Variants in FAM135A observed in about 807,000 individuals in gnomAD.
The protein encoded by FAM135A is family with sequence similarity 135 member A, also known as protein FAM135A.
Under a neutral mutation model 146.8 loss-of-function variants are expected in FAM135A, and 79 were observed. The ratio of observed to expected loss-of-function variants is 0.54; its 90% CI spans 0.45 to 0.65. FAM135A has a LOEUF of 0.65. FAM135A is among the 30% of genes least tolerant of loss of function. The pLI is 0.00. For missense variants in FAM135A, 1,623 were observed against 1,758.2 expected (o/e 0.92, Z 1.38); for synonymous variants, 562 against 603.6 (o/e 0.93, Z 1.01).
At chr6:70,491,617 C>G (rs1785994184) in intron 11 of FAM135A, among the ~76,000 whole-genome samples, 1 of 151,802 alleles carries the variant, frequency 6.6e-6, no homozygotes, top group African/African-American at 2.4e-5. Flanking sequence ...GTGAATCAAA[C>G]AAAAATATGT....
chr6:70,559,057 A>G (rs1801441973), intron 21 of FAM135A, among the ~76,000 whole-genome samples: 1 of 152,216 alleles, frequency 6.6e-6, no homozygotes, highest in Non-Finnish European at 1.5e-5. Context: ...CACCATGTCT[A>G]GCTTATTTTC....
At chr6:70,448,386 C>T (rs1270901893) in intron 4 of FAM135A, among the ~76,000 whole-genome samples, 1 of 152,142 alleles carries the variant, frequency 6.6e-6, no homozygotes, top group Non-Finnish European at 1.5e-5. Context: ...AACCAGAGCC[C>T]ACACTTGTGC....
intron 20 of FAM135A, among the ~76,000 whole-genome samples, chr6:70,539,076 C>T (rs182037754): frequency 6.6e-6 from 1 of 152,050 alleles, no homozygotes; most frequent in East Asian, 1.9e-4. Context: ...TTACTTCTGA[C>T]CTTATGATCT....
At chr6:70,486,275 C>G in intron 10 of FAM135A, 1 of 1,583,668 alleles carries the variant, frequency 6.3e-7, no homozygotes, top group South Asian at 1.1e-5. Context: ...AGTAAATGAT[C>G]CCTTTTAATT....
intron 5 of FAM135A, among the ~76,000 whole-genome samples, chr6:70,452,956 A>AT (rs202117655): frequency 1.6e-4 from 24 of 150,482 alleles, no homozygotes; most frequent in Non-Finnish European, 2.2e-4. Flanking sequence ...TTTTAAACCA[A>AT]TTTTTTTTTT....
intron 16 of FAM135A, among the ~76,000 whole-genome samples, chr6:70,529,932 C>T (rs1443203270): frequency 3.3e-5 from 5 of 152,050 alleles, no homozygotes; most frequent in Admixed American, 3.3e-4. Context: ...GGCGTGGTGG[C>T]GGGCGCCTGT....
intron 5 of FAM135A, among the ~76,000 whole-genome samples, chr6:70,463,069 C>T (rs1048076802): frequency 6.6e-6 from 1 of 152,080 alleles, no homozygotes; most frequent in African/African-American, 2.4e-5. Flanking sequence ...TCCTACATGT[C>T]GAATTTTGTT....
At chr6:70,442,724 A>C (rs980541445) in intron 4 of FAM135A, among the ~76,000 whole-genome samples, 7 of 148,452 alleles carry the variant, frequency 4.7e-5, no homozygotes, top group African/African-American at 1.7e-4. Flanking sequence ...TAACACCTGA[A>C]TCCATCATAT....
intron 20 of FAM135A, among the ~76,000 whole-genome samples, chr6:70,542,508 T>C (rs553436523): frequency 6.6e-6 from 1 of 152,292 alleles, no homozygotes; most frequent in East Asian, 1.9e-4. Flanking sequence ...GATTTAATGC[T>C]CCTCTACTCT....
chr6:70,459,432 A>G (rs1342755599), intron 5 of FAM135A, among the ~76,000 whole-genome samples: 3 of 152,210 alleles, frequency 2.0e-5, no homozygotes, highest in African/African-American at 4.8e-5. Flanking sequence ...GAGTCAGGAA[A>G]TATCTGTCAT....
chr6:70,449,552 G>T lies in FAM135A; in HGVS notation c.78-2940G>T, dbSNP rs149442057. ...TTTCACTTTGCATAATGCCCTCTAG[G>T]TTCATTCATGTTGTTGCAAATGACA... On this transcript the variant is annotated intron_variant, in intron 4 of 21. Coordinates refer to ENST00000418814, the MANE Select transcript of FAM135A (RefSeq NM_001162529.3). Among the ~76,000 whole-genome samples the T allele has an allele frequency of 5.3e-3, 806 of 152,006 alleles. 5 individuals carry two copies. Among genetic ancestry groups the T allele is most frequent in the Non-Finnish European group, 8.7e-3 (593 of 67,988 alleles).
chr6:70,414,442 C>T (rs905382762), intron 1 of FAM135A, among the ~76,000 whole-genome samples: 1 of 152,086 alleles, frequency 6.6e-6, no homozygotes, highest in Non-Finnish European at 1.5e-5. Flanking sequence ...GGCCCCTATC[C>T]TCACGTCCTT....
chr6:70,490,978 T>C, intron 10 of FAM135A, 56 bp from the exon 11 acceptor site: 1 of 1,277,750 alleles, frequency 7.8e-7, no homozygotes, highest in Non-Finnish European at 1.1e-6. Flanking sequence ...GAATTTTATT[T>C]ATATAAATTA....
chr6:70,425,194 A>T (rs894440267), intron 2 of FAM135A, among the ~76,000 whole-genome samples: 1 of 151,746 alleles, frequency 6.6e-6, no homozygotes, highest in Non-Finnish European at 1.5e-5. Flanking sequence ...ACTTAGCTAT[A>T]CCTCATACTT....
intron 11 of FAM135A, among the ~76,000 whole-genome samples, chr6:70,496,609 G>T (rs544116044): frequency 5.3e-5 from 8 of 152,148 alleles, no homozygotes; most frequent in African/African-American, 1.9e-4. Context: ...CATTGCCTAG[G>T]TTTTCTTGTA....
Position 70,526,708 on chromosome 6 carries a change from G to T in FAM135A, c.3614+10G>T, listed in dbSNP as rs772219704. The T allele has an allele frequency of 1.3e-6, 2 of 1,543,216 alleles. No homozygotes were observed. Among genetic ancestry groups the T allele is most frequent in the African/African-American group, 2.8e-5 (2 of 71,012 alleles). Reference sequence around the variant, plus strand: ...AACCTCAAATACAAGCGTAAGTAATGGAACGTAATAGTACCTGCTGCTAAA... The same window carrying T: ...AACCTCAAATACAAGCGTAAGTAATTGAACGTAATAGTACCTGCTGCTAAA... On this transcript the variant is annotated intron_variant, in intron 15 of 21. Transcript: ENST00000418814.
intron 12 of FAM135A, among the ~76,000 whole-genome samples, chr6:70,516,530 C>CTTTTTTTTTTTT (rs1174927909): frequency 3.5e-5 from 3 of 84,944 alleles, no homozygotes; most frequent in African/African-American, 5.1e-5. Flanking sequence ...ATTTTCTTTT[C>CTTTTTTTTTTTT]TTTTTTTTTT....
At chr6:70,548,408 T>C (rs541118335) in intron 20 of FAM135A, among the ~76,000 whole-genome samples, 6 of 152,324 alleles carry the variant, frequency 3.9e-5, no homozygotes, top group Non-Finnish European at 7.4e-5. Context: ...GTGTATTTAA[T>C]CAGTATCAGA....
At position 70,524,786 on chromosome 6, in the gene FAM135A, A is replaced by C. The variant is rs1446433422; in HGVS notation, c.1702A>C (p.Thr568Pro). Residue 568 changes from threonine (T) to proline (P), a missense_variant, in exon 15 of 22, where the codon ACA (threonine) becomes CCA (proline). Physicochemically the swap from Thr to Pro is conservative, Grantham distance 38. Around this residue, in one of 7 missense-constraint regions of FAM135A, gnomAD observed 1,061 missense variants for 1,113.8 expected, o/e 0.95. Coordinates refer to ENST00000418814, the MANE Select transcript of FAM135A (RefSeq NM_001162529.3). ...NFDPKTYMRQTSQKEASCLPT... is the reference protein window; with the variant it reads ...NFDPKTYMRQPSQKEASCLPT... ...TGACCCAAAGACCTACATGAGACAG[A>C]CAAGTCAAAAGGAAGCTAGCTGTTT... is the stretch of plus-strand genomic sequence containing the variant. 1.9e-6 allele frequency: 3 copies of C among 1,552,170 alleles called. No homozygotes were observed.
Sources: allele counts gnomAD v4.1 joint callset (sites outside exome capture counted in the v4.1 genomes callset), GRCh38; gene constraint gnomAD v4.1.1; regional missense constraint gnomAD v4.1.1; transcripts MANE v1.5; gene names NCBI Gene and HGNC (gene_info 2026-07-23, HGNC 2026-07-21).